SERPINB8: variants seen among roughly 807,000 people sequenced by gnomAD.
SERPINB8 encodes serpin B8.
In SERPINB8, 25 loss-of-function variants were observed where a neutral mutation model predicts 35.3. The observed-to-expected ratio is 0.71, with a 90% CI of 0.52 to 0.99. The LOEUF is 0.99. Among genes scored for constraint, SERPINB8 ranks in the 50% least tolerant of loss-of-function variants. SERPINB8 has a pLI of 0.00. For synonymous variants in SERPINB8, 186 were observed against 160.8 expected, an observed-to-expected ratio of 1.16 and a Z score of -1.19; for missense variants, 484 against 446.5, an observed-to-expected ratio of 1.08 and a Z score of -0.76.
At position 63,986,690 on chromosome 18, in the gene SERPINB8, A is replaced by G. The variant is rs1437263820; in HGVS notation, c.721-184A>G. The G allele has an allele frequency of 3.5e-6, 5 of 1,409,640 alleles. No homozygotes were observed. The African/African-American group carries it at 7.2e-5, about 20-fold the overall frequency. The allele number at this position is 1,409,640 out of a possible 1,614,324, so 87.3% of individuals were successfully genotyped here. On this transcript the variant is annotated intron_variant, in intron 6 of 6. Transcript: ENST00000397985. Reference sequence around the variant, plus strand: ...GCTCTTTTACACTTGTCTCCATAAAACTGTGAAAAGATGAAAATTTGGGAG... The same window carrying G: ...GCTCTTTTACACTTGTCTCCATAAAGCTGTGAAAAGATGAAAATTTGGGAG...
rs556516858 is a variant in SERPINB8 at position 63,981,313 on chromosome 18, C to T, written c.307-408C>T. Among the ~76,000 whole-genome samples, 28 of 152,342 alleles carry T rather than the reference C, an allele frequency of 1.8e-4. 1 individual carries two copies. The highest frequency in any genetic ancestry group is 3.2e-4 in the Non-Finnish European group (22 of 68,030). ...AATCTAGTTCCCTTATAAAGCCTCTCGTTTAACCAAAACCACAATACTGTA... is the reference window on the plus strand; with the variant it reads ...AATCTAGTTCCCTTATAAAGCCTCTTGTTTAACCAAAACCACAATACTGTA... On this transcript the variant is annotated intron_variant, in intron 3 of 6. Transcript: ENST00000397985.
At position 63,987,051 on chromosome 18, in the gene SERPINB8, T is replaced by A. The variant is rs778778716; in HGVS notation, c.898T>A (p.Ser300Thr). 8 of 1,614,082 alleles carry A rather than the reference T, an allele frequency of 5.0e-6. No homozygotes were observed. In the Admixed American group the frequency reaches 1.3e-4, roughly 27 times the overall value. Residue 300 changes from serine (S) to threonine (T), a missense_variant, in exon 7 of 7, where the codon TCT (serine) becomes ACT (threonine). By Grantham distance (58) the Ser-to-Thr change is moderately conservative (BLOSUM62 1). Transcript: ENST00000397985. ...DAFDEAKADFSGMSTEKNVPL... is the reference protein window; with the variant it reads ...DAFDEAKADFTGMSTEKNVPL... Reference sequence around the variant, plus strand: ...TTTTGACGAAGCCAAGGCAGACTTTTCTGGAATGTCAACTGAGAAGAATGT... The same window carrying A: ...TTTTGACGAAGCCAAGGCAGACTTTACTGGAATGTCAACTGAGAAGAATGT...
intron 7 of SERPINB8, among the ~76,000 whole-genome samples, chr18:64,013,093 T>G (rs2050933128): frequency 6.6e-6 from 1 of 152,166 alleles, no homozygotes; most frequent in Non-Finnish European, 1.5e-5. Flanking sequence ...CACAATTTTT[T>G]TTTTCTTTAG....
At chr18:63,985,338 A>G (rs2050737254) in intron 6 of SERPINB8, 93 bp downstream of exon 6, 3 of 1,428,336 alleles carry the variant, frequency 2.1e-6, no homozygotes, top group Admixed American at 4.3e-5. Flanking sequence ...AGGAGTTTCC[A>G]GTTGGGGTTA....
intron 7 of SERPINB8, among the ~76,000 whole-genome samples, chr18:64,013,684 C>T (rs1187917466): frequency 6.6e-6 from 1 of 152,152 alleles, no homozygotes; most frequent in East Asian, 1.9e-4. Context: ...ACCTGGGAGA[C>T]ATATTTAGAT....
At chr18:63,986,358 T>G in intron 6 of SERPINB8, 1 of 1,587,062 alleles carries the variant, frequency 6.3e-7, no homozygotes, top group Admixed American at 1.8e-5. Context: ...ATTTCTCGTC[T>G]CATGCTCCCT....
intron 1 of SERPINB8, among the ~76,000 whole-genome samples, chr18:63,997,548 T>C (rs1481650435): frequency 6.6e-6 from 1 of 152,210 alleles, no homozygotes; most frequent in Non-Finnish European, 1.5e-5. Context: ...ACATTTACTA[T>C]GCTGGAATGA....
intron 7 of SERPINB8, among the ~76,000 whole-genome samples, chr18:64,012,484 C>T (rs926228501): frequency 6.6e-6 from 1 of 151,866 alleles, no homozygotes; most frequent in Admixed American, 6.6e-5. Context: ...TCTCGTAGCT[C>T]TTCTGGTTTA....
chr18:63,986,724 G>T (rs1437317293), intron 6 of SERPINB8, 150 bp from the exon 7 acceptor site: 8 of 1,402,168 alleles, frequency 5.7e-6, no homozygotes, highest in Non-Finnish European at 7.5e-6. Flanking sequence ...AGAAAATCTT[G>T]GTGTGTTTAT....
intron 3 of SERPINB8, 98 bp downstream of exon 3, chr18:63,980,036 C>G: frequency 8.5e-7 from 1 of 1,180,948 alleles, no homozygotes; most frequent in Non-Finnish European, 1.2e-6. Context: ...TTAAAACGTG[C>G]TTGGAATTAC....
At chr18:64,007,350 G>C (rs1232722690), downstream of SERPINB8, among the ~76,000 whole-genome samples, 2 of 152,060 alleles carry the variant, frequency 1.3e-5, no homozygotes, top group African/African-American at 2.4e-5. Flanking sequence ...CTCCCATAGA[G>C]AAAACACCAG....
chr18:63,996,786 T>C (rs1288973527), intron 1 of SERPINB8, among the ~76,000 whole-genome samples: 1 of 152,192 alleles, frequency 6.6e-6, no homozygotes, highest in Non-Finnish European at 1.5e-5. Context: ...GCACAACATC[T>C]CGTTTAGAGG....
intron 1 of SERPINB8, among the ~76,000 whole-genome samples, chr18:64,003,741 A>T (rs572468878): frequency 3.9e-5 from 6 of 152,110 alleles, no homozygotes. Flanking sequence ...TGATGCTCCA[A>T]TTCCAGTGTC....
chr18:63,990,662 ATCCCT>A (rs2050820489), downstream of SERPINB8, among the ~76,000 whole-genome samples: 1 of 142,272 alleles, frequency 7.0e-6, no homozygotes, highest in Non-Finnish European at 1.5e-5. Context: ...GCTATCCCTC[ATCCCT>A]CCCCCCCACC....
Position 63,970,144 on chromosome 18 carries a change from C to CGGCGGT in SERPINB8, c.-32_-31insTGGCGG. On this transcript the variant is annotated 5_prime_UTR_variant, in exon 1 of 7. Coordinates refer to ENST00000397985, the MANE Select transcript of SERPINB8 (RefSeq NM_002640.4). ...GTCAAAGCAGCAGCGGCGGCGGCGG[C>CGGCGGT]GGCGGCAGCAGCAGCAGCAGCAGGA... The CGGCGGT allele has an allele frequency of 2.7e-6, 1 of 368,172 alleles. No homozygotes were observed. Among genetic ancestry groups the CGGCGGT allele is most frequent in the South Asian group, 2.1e-5 (1 of 48,562 alleles). The allele number at this position is 368,172 out of a possible 1,614,324, so 22.8% of individuals were successfully genotyped here. A position where few individuals can be genotyped will look rare whatever the true frequency, so the allele number is the denominator to read the frequency against.
At chr18:64,012,924 C>T (rs538142300) in intron 7 of SERPINB8, among the ~76,000 whole-genome samples, 5 of 152,194 alleles carry the variant, frequency 3.3e-5, no homozygotes, top group African/African-American at 9.6e-5. Flanking sequence ...CAAAGAAGCC[C>T]GGAGGGGTGG....
rs2050439069 is a variant in SERPINB8, at chr18:63,970,132, C to CGGCGGT, written c.-44_-43insTGGCGG. ...AAAGGAGGAATAGTCAAAGCAGCAGCGGCGGCGGCGGCGGCGGCAGCAGCA... is the reference window on the plus strand; with the variant it reads ...AAAGGAGGAATAGTCAAAGCAGCAGCGGCGGTGGCGGCGGCGGCGGCGGCAGCAGCA... On this transcript the variant is annotated 5_prime_UTR_variant, in exon 1 of 7. Coordinates refer to ENST00000397985, the MANE Select transcript of SERPINB8 (RefSeq NM_002640.4). The CGGCGGT allele has an allele frequency of 2.9e-6, 1 of 350,626 alleles. No homozygotes were observed. Among genetic ancestry groups the CGGCGGT allele is most frequent in the Non-Finnish European group, 5.6e-6 (1 of 177,894 alleles). 21.7% of individuals were successfully genotyped at this position (350,626 alleles called of 1,614,324 possible). A position where few individuals can be genotyped will look rare whatever the true frequency, so the allele number is the denominator to read the frequency against.
At chr18:63,971,473 C>T (rs1398117437) in intron 1 of SERPINB8, among the ~76,000 whole-genome samples, 1 of 152,168 alleles carries the variant, frequency 6.6e-6, no homozygotes, top group Non-Finnish European at 1.5e-5. Flanking sequence ...TCCAGCCTGA[C>T]TCCTCATTTA....
intron 5 of SERPINB8, 87 bp downstream of exon 5, chr18:63,983,808 G>A: frequency 1.1e-6 from 1 of 929,340 alleles, no homozygotes; most frequent in Non-Finnish European, 1.7e-6. Context: ...TAATTTATTT[G>A]ACATGATCTT....
Sources: allele counts gnomAD v4.1 joint callset (sites outside exome capture counted in the v4.1 genomes callset), GRCh38; gene constraint gnomAD v4.1.1; transcripts MANE v1.5; gene names NCBI Gene and HGNC (gene_info 2026-07-23, HGNC 2026-07-21).